Variants in SORBS2 observed in about 807,000 individuals in gnomAD.
SORBS2 encodes sorbin and SH3 domain containing 2.
Under a neutral mutation model 97.7 loss-of-function variants are expected in SORBS2, and 46 were observed. The ratio of observed to expected loss-of-function variants is 0.47; its 90% CI spans 0.37 to 0.60. The LOEUF is 0.60. SORBS2 is among the 20% of genes least tolerant of loss of function. The pLI is 0.00. For missense variants in SORBS2, 1,316 were observed against 1,282.3 expected, an observed-to-expected ratio of 1.03 and a Z score of -0.40; for synonymous variants, 476 against 473.4, an observed-to-expected ratio of 1.01 and a Z score of -0.07.
chr4:185,690,693 ATGTACC>A, intron 2 of SORBS2, 82 bp from the exon 4 acceptor site: 1 of 564,772 alleles, frequency 1.8e-6, no homozygotes, highest in Non-Finnish European at 3.2e-6. Flanking sequence ...TTTGTTTTTG[ATGTACC>A]TGTAAGTTAA....
At chr4:185,804,303 CTAGT>C (rs2153660600) in intron 1 of SORBS2, among the ~76,000 whole-genome samples, 1 of 152,306 alleles carries the variant, frequency 6.6e-6, no homozygotes, top group Admixed American at 6.5e-5. Flanking sequence ...CCGACTTGGC[CTAGT>C]TACTCAGCCA....
intron 1 of SORBS2, among the ~76,000 whole-genome samples, chr4:185,862,378 A>T (rs2099224332): frequency 6.6e-6 from 1 of 152,244 alleles, no homozygotes; most frequent in Non-Finnish European, 1.5e-5. Context: ...TTGTAGAGGC[A>T]TGAGAGCGAC....
intron 1 of SORBS2, among the ~76,000 whole-genome samples, chr4:185,869,113 G>A (rs1306597124): frequency 6.6e-6 from 1 of 152,142 alleles, no homozygotes; most frequent in African/African-American, 2.4e-5. Context: ...AACAAACCAG[G>A]CACTGGAATG....
exon 15 of SORBS2, chr4:185,586,059 CCT>C (rs1473677337): frequency 3.9e-5 from 4 of 101,288 alleles, no homozygotes; most frequent in Admixed American, 1.3e-4. Flanking sequence ...AGGAAACGCC[CCT>C]GTTTTCTCAA....
chr4:185,751,456 G>A lies in SORBS2; in HGVS notation c.-198+23771C>T, dbSNP rs552655126. ...TCTTGGACATTTTGCTAAATTAGGT[G>A]AAAAAGGAGCAAGAAACAGGTATCC... On this transcript the variant is annotated intron_variant, in intron 2 of 20. Transcript: ENST00000284776. Among the ~76,000 whole-genome samples the A allele has an allele frequency of 6.6e-5, 10 of 152,204 alleles. 1 individual carries two copies. In the South Asian group the frequency reaches 1.9e-3, roughly 28 times the overall value.
At chr4:185,662,825 C>A (rs1431173261) in intron 4 of SORBS2, among the ~76,000 whole-genome samples, 2 of 152,210 alleles carry the variant, frequency 1.3e-5, no homozygotes, top group African/African-American at 4.8e-5. Context: ...ACATGTTCAA[C>A]CACTGGCTTC....
chr4:185,735,105 A>G (rs1214129415), intron 2 of SORBS2, among the ~76,000 whole-genome samples: 1 of 152,232 alleles, frequency 6.6e-6, no homozygotes, highest in Non-Finnish European at 1.5e-5. Flanking sequence ...TTCAAAACAC[A>G]GGATTGACCT....
chr4:185,780,650 T>G (rs2099023977), intron 1 of SORBS2, among the ~76,000 whole-genome samples: 2 of 152,242 alleles, frequency 1.3e-5, no homozygotes, highest in African/African-American at 2.4e-5. Flanking sequence ...TTCGGCAGTC[T>G]GCCATGATTT....
At chr4:185,903,702 G>A (rs146528318) in intron 1 of SORBS2, among the ~76,000 whole-genome samples, 14 of 152,254 alleles carry the variant, frequency 9.2e-5, no homozygotes, top group African/African-American at 2.6e-4. Flanking sequence ...CCAGGATAAC[G>A]ATGGAATGGC....
intron 2 of SORBS2, among the ~76,000 whole-genome samples, chr4:185,691,567 A>T (rs561379987): frequency 6.6e-6 from 1 of 152,164 alleles, no homozygotes; most frequent in African/African-American, 2.4e-5. Flanking sequence ...TATTTTCAGG[A>T]CACTGTCAAG....
intron 1 of SORBS2, among the ~76,000 whole-genome samples, chr4:185,865,424 G>A (rs970546811): frequency 6.6e-6 from 1 of 152,184 alleles, no homozygotes; most frequent in Non-Finnish European, 1.5e-5. Flanking sequence ...CCTGGTTGAA[G>A]TGTCATATGC....
intron 7 of SORBS2, 112 bp from the exon 20 acceptor site, chr4:185,620,263 C>A (rs2096698302): frequency 2.7e-6 from 2 of 741,832 alleles, no homozygotes; most frequent in African/African-American, 3.5e-5. Flanking sequence ...TGGAGAGACA[C>A]CGTTATCGAA....
upstream of SORBS2, chr4:185,657,308 CA>C: frequency 2.2e-6 from 2 of 924,442 alleles, no homozygotes; most frequent in South Asian, 5.2e-5. Flanking sequence ...AGTCGGATGG[CA>C]CGGAGGGCAA....
In SORBS2 at chr4:185,606,992, C is replaced by G; in HGVS notation, c.2796+4788G>C. 3 of 1,000,872 alleles carry G rather than the reference C, an allele frequency of 3.0e-6. No individual in the cohort carries two copies. The highest frequency in any genetic ancestry group is 3.6e-6 in the Non-Finnish European group (3 of 839,012). The allele number at this position is 1,000,872 out of a possible 1,614,324, so 62.0% of individuals were successfully genotyped here. A position where few individuals can be genotyped will look rare whatever the true frequency, so the allele number is the denominator to read the frequency against. ...GTCGTTCTGGGATCCTGAAGAGGCT[C>G]TGCATGGTAAGGCTGGGCTGCAGCC... On this transcript the variant is annotated intron_variant, in intron 12 of 14. Transcript: ENST00000418609. The surrounding 1 kb of genome is among the most constrained non-coding windows in gnomAD (Gnocchi z 4.3).
chr4:185,649,773 T>C (rs149088224), intron 2 of SORBS2, 117 bp from the exon 12 acceptor site: 221 of 557,300 alleles, frequency 4.0e-4, no homozygotes, highest in Non-Finnish European at 4.6e-4. Flanking sequence ...TTATTATCAA[T>C]AAGCATATTC....
intron 1 of SORBS2, among the ~76,000 whole-genome samples, chr4:185,915,832 CA>C (rs756992940): frequency 2.0e-5 from 3 of 151,964 alleles, no homozygotes; most frequent in Non-Finnish European, 2.9e-5. Context: ...TTAAGTAACA[CA>C]AAAAAACCTA....
intron 2 of SORBS2, among the ~76,000 whole-genome samples, chr4:185,735,927 A>G (rs1468126233): frequency 6.6e-6 from 1 of 152,222 alleles, no homozygotes; most frequent in East Asian, 1.9e-4. Context: ...TGCAGCCAAC[A>G]TCTACCATGC....
At chr4:185,728,946 G>A (rs2098589612) in intron 2 of SORBS2, among the ~76,000 whole-genome samples, 1 of 152,224 alleles carries the variant, frequency 6.6e-6, no homozygotes, top group Non-Finnish European at 1.5e-5. Context: ...GGGAGTAAGT[G>A]GAAGAATGAA....
rs529946740 is a variant in SORBS2, at chr4:185,722,319, A to G, written c.-197-43497T>C. ...ACAAAAAGAGTTTCTAATTCTTTGG[A>G]TCGCAAAATGATTCTTCAGTTCTAA... On this transcript the variant is annotated intron_variant, in intron 2 of 20. Transcript: ENST00000284776. Among the ~76,000 whole-genome samples the G allele has an allele frequency of 3.3e-5, 5 of 152,370 alleles. No homozygotes were observed. The South Asian group carries it at 1.0e-3, about 32-fold the overall frequency.
Sources: allele counts gnomAD v4.1 joint callset (sites outside exome capture counted in the v4.1 genomes callset), GRCh38; gene constraint gnomAD v4.1.1; non-coding constraint Gnocchi (gnomAD v3.1); transcripts MANE v1.5; gene names NCBI Gene and HGNC (gene_info 2026-07-23, HGNC 2026-07-21).